The following ANTXR1 variants were observed in gnomAD, a reference collection of about 807,000 sequenced individuals.
ANTXR1 encodes anthrax toxin receptor 1.
ANTXR1 carries 19 observed loss-of-function variants against 78.1 expected under a neutral mutation model. The ratio of observed to expected loss-of-function variants is 0.24; its 90% CI spans 0.17 to 0.36. The LOEUF (loss-of-function observed/expected upper bound fraction) is 0.36, where lower values mean the gene tolerates loss of function less well. Among genes scored for constraint, ANTXR1 ranks in the 10% least tolerant of loss-of-function variants. The pLI is 1.00. For missense variants in ANTXR1, 518 were observed against 718.6 expected (o/e 0.72, Z 3.19); for synonymous variants, 273 against 260.5 (o/e 1.05, Z -0.46).
chr2:69,164,755 A>G (rs1673781549), intron 13 of ANTXR1, among the ~76,000 whole-genome samples: 1 of 152,352 alleles, frequency 6.6e-6, no homozygotes, highest in South Asian at 2.1e-4. Context: ...GAGTACCTGC[A>G]TGCAGAGCTG....
chr2:69,145,625 C>T (rs546489112), intron 12 of ANTXR1: 207 of 1,255,820 alleles, frequency 1.6e-4, no homozygotes, highest in East Asian at 1.9e-4. Context: ...TCACTCCATG[C>T]GGTGGGCATC....
intron 14 of ANTXR1, among the ~76,000 whole-genome samples, chr2:69,173,669 A>C (rs1179423227): frequency 6.6e-6 from 1 of 152,206 alleles, no homozygotes; most frequent in Non-Finnish European, 1.5e-5. Flanking sequence ...TATTCTTCCA[A>C]CATCTGCCAC....
chr2:69,085,437 G>A (rs902114062), intron 8 of ANTXR1, among the ~76,000 whole-genome samples: 2 of 152,138 alleles, frequency 1.3e-5, no homozygotes, highest in Non-Finnish European at 2.9e-5. Context: ...TTAATCAGAC[G>A]AGGGGAGTAT....
At chr2:69,242,166 T>A (rs1483474164) in intron 17 of ANTXR1, among the ~76,000 whole-genome samples, 1 of 152,084 alleles carries the variant, frequency 6.6e-6, no homozygotes, top group Non-Finnish European at 1.5e-5. Context: ...ACTCTTTGCC[T>A]CCACCATCAC....
intron 17 of ANTXR1, among the ~76,000 whole-genome samples, chr2:69,225,135 G>A (rs192387447): frequency 1.6e-4 from 25 of 152,042 alleles, no homozygotes; most frequent in Middle Eastern, 3.4e-3. Context: ...CCTTTATCCC[G>A]ATCACCACCA....
At chr2:69,107,784 A>G (rs917637699) in intron 10 of ANTXR1, among the ~76,000 whole-genome samples, 1 of 152,230 alleles carries the variant, frequency 6.6e-6, no homozygotes, top group Non-Finnish European at 1.5e-5. Context: ...TGCCAAGAAG[A>G]TATTAAAATT....
intron 11 of ANTXR1, 151 bp downstream of exon 11, chr2:69,123,237 C>A: frequency 1.2e-6 from 1 of 808,822 alleles, no homozygotes; most frequent in South Asian, 1.4e-5. Flanking sequence ...GTGACCCAGA[C>A]GCCAGGATAA....
At chr2:69,077,306 C>T in intron 7 of ANTXR1, 102 bp from the exon 8 acceptor site, 1 of 1,268,084 alleles carries the variant, frequency 7.9e-7, no homozygotes, top group Non-Finnish European at 1.2e-6. Context: ...CCCCTGGGTT[C>T]TGAATATAAC....
intron 14 of ANTXR1, among the ~76,000 whole-genome samples, chr2:69,176,950 CAATT>C: frequency 6.6e-6 from 1 of 152,286 alleles, no homozygotes; most frequent in Admixed American, 6.5e-5. Context: ...AAGAACTTAT[CAATT>C]GAGTCTGAGA....
chr2:69,193,078 C>T (rs1674578293), intron 16 of ANTXR1, among the ~76,000 whole-genome samples: 1 of 152,124 alleles, frequency 6.6e-6, no homozygotes, highest in African/African-American at 2.4e-5. Flanking sequence ...GTTATGTTTG[C>T]AAACTTGGGG....
rs777405564 is a variant in ANTXR1, at chr2:69,245,391, C to T, written c.1601C>T (p.Pro534Leu). ...CCCAGCGCCCCTACCCCTCCCATCC[C>T]GTCCCCACCTTCCACCCTTCCCCCT... ...PPPSAPTPPI[P>L]SPPSTLPPPP... is the part of the protein sequence containing the mutation. The change falls in exon 18 of 18, where the codon CCG (proline) becomes CTG (leucine). Residue 534 changes from proline to leucine, a missense_variant. Physicochemically the swap from Pro to Leu is moderately conservative, Grantham distance 98. Around this residue, in one of 5 missense-constraint regions of ANTXR1, gnomAD observed 192 missense variants for 230.2 expected, o/e 0.83. Transcript: ENST00000303714. The T allele has an allele frequency of 4.1e-5, 63 of 1,533,424 alleles. 1 individual carries two copies. In the South Asian group the frequency reaches 4.5e-4, roughly 11 times the overall value. 95.0% of individuals were successfully genotyped at this position (1,533,424 alleles called of 1,614,324 possible). A position where few individuals can be genotyped will look rare whatever the true frequency, so the allele number is the denominator to read the frequency against.
chr2:69,142,659 A>G lies in ANTXR1; in HGVS notation c.952-9510A>G, dbSNP rs77453752. Among the ~76,000 whole-genome samples, 32 of 152,322 alleles carry G rather than the reference A, an allele frequency of 2.1e-4. No individual in the cohort carries two copies. In the East Asian group the frequency reaches 5.4e-3, roughly 26 times the overall value. On this transcript the variant is annotated intron_variant, in intron 12 of 17. Coordinates refer to ENST00000303714, the MANE Select transcript of ANTXR1 (RefSeq NM_032208.3). ...TAGGTGTTCAATAAATATGTTAGGTATGAATAAATCAGGTGGTACCTGAGC... is the reference window on the plus strand; with the variant it reads ...TAGGTGTTCAATAAATATGTTAGGTGTGAATAAATCAGGTGGTACCTGAGC...
intron 17 of ANTXR1, among the ~76,000 whole-genome samples, chr2:69,225,297 C>G (rs1675418579): frequency 6.6e-6 from 1 of 151,972 alleles, no homozygotes; most frequent in African/African-American, 2.4e-5. Flanking sequence ...CATGAGATGC[C>G]CACAGGGGAT....
intron 3 of ANTXR1, among the ~76,000 whole-genome samples, chr2:69,066,319 G>A (rs149889748): frequency 4.1e-4 from 62 of 151,496 alleles, no homozygotes; most frequent in African/African-American, 8.2e-4. Context: ...TTTTAGAGAC[G>A]GAGTTTTGCT....
chr2:69,204,935 C>G (rs1360853242), intron 17 of ANTXR1, among the ~76,000 whole-genome samples: 1 of 152,192 alleles, frequency 6.6e-6, no homozygotes, highest in Non-Finnish European at 1.5e-5. Flanking sequence ...ACTTTACCAC[C>G]AACACTGTGT....
At chr2:69,078,636 C>A (rs1344353230) in intron 8 of ANTXR1, among the ~76,000 whole-genome samples, 1 of 152,148 alleles carries the variant, frequency 6.6e-6, no homozygotes, top group Non-Finnish European at 1.5e-5. Flanking sequence ...CTTAGAGATC[C>A]TTGGACATTT....
At chr2:69,186,475 C>T (rs1170090668) in intron 16 of ANTXR1, among the ~76,000 whole-genome samples, 1 of 152,226 alleles carries the variant, frequency 6.6e-6, no homozygotes, top group Non-Finnish European at 1.5e-5. Context: ...CTTTCCCGAA[C>T]TCACCGTGGT....
intron 14 of ANTXR1, 125 bp downstream of exon 14, chr2:69,170,414 G>A (rs992036503): frequency 9.4e-5 from 103 of 1,092,614 alleles, no homozygotes; most frequent in Middle Eastern, 3.0e-4. Flanking sequence ...AGGATTTAAT[G>A]TACCTGCCTG....
Position 69,182,636 on chromosome 2 carries a change from C to G in ANTXR1, c.1329C>G (p.Pro443=), listed in dbSNP as rs201866909. The stretch of plus-strand genomic sequence containing the variant: ...ACAATATGCGTCGGCCTTCTTCCCC[C>G]CGGAAGTGGTACTCTCCAATCAAGG... ...LNNNMRRPSS[P]RKWYSPIKGK... Residue 443 remains proline, a synonymous_variant, in exon 16 of 18, where the codon CCC becomes CCG. Transcript: ENST00000303714. 6.2e-7 allele frequency: 1 copy of G among 1,614,016 alleles called. No individual in the cohort carries two copies. The highest frequency in any genetic ancestry group is 2.2e-5 in the East Asian group (1 of 44,888).
Sources: gnomAD v4.1 joint callset for allele counts (sites outside exome capture counted in the v4.1 genomes callset) on GRCh38, gnomAD v4.1.1 for gene constraint, gnomAD v4.1.1 regional missense constraint, MANE v1.5 for transcripts, NCBI Gene and HGNC (gene_info 2026-07-23, HGNC 2026-07-21) for gene names.